Variants in TRIP12 observed in about 807,000 individuals in gnomAD.
TRIP12 encodes the protein E3 ubiquitin-protein ligase TRIP12.
TRIP12 carries 25 observed loss-of-function variants against 244.2 expected under a neutral mutation model. The ratio of observed to expected loss-of-function variants is 0.10; its 90% CI spans 0.07 to 0.14. The LOEUF is 0.14. TRIP12 is among the 10% of genes least tolerant of loss of function. The pLI, the probability that TRIP12 is intolerant of heterozygous loss-of-function variation, is 1.00. For synonymous variants in TRIP12, 905 were observed against 873.1 expected, an observed-to-expected ratio of 1.04 and a Z score of -0.64; for missense variants, 1,677 against 2,486.4, an observed-to-expected ratio of 0.67 and a Z score of 6.92.
At chr2:229,865,490 C>A (rs1248616660) in intron 2 of TRIP12, among the ~76,000 whole-genome samples, 1 of 151,676 alleles carries the variant, frequency 6.6e-6, no homozygotes, top group Non-Finnish European at 1.5e-5. Flanking sequence ...ATATGATATG[C>A]ATATATATAA....
chr2:229,841,607 T>C (rs191152064), intron 4 of TRIP12, among the ~76,000 whole-genome samples: 91 of 152,270 alleles, frequency 6.0e-4, no homozygotes, highest in Middle Eastern at 6.8e-3. Context: ...CATCCACCCT[T>C]GCCCAACCCT....
Position 229,858,971 on chromosome 2 carries a change from G to C in TRIP12, c.828C>G (p.Ser276=). ...TGGGGCTGGGACTGGACGCTGAACG[G>C]GAACGCCTGGCCTTGTTCTGATCTT... is the stretch of plus-strand genomic sequence containing the variant. ...QGKDQNKARR[S]RSASSPSPRR... is the part of the protein sequence containing the mutation. The change falls in exon 4 of 42, where the codon TCC becomes TCG. Residue 276 remains serine, a synonymous_variant. Transcript: ENST00000675903. The C allele has an allele frequency of 6.2e-7, 1 of 1,614,178 alleles. No individual in the cohort carries two copies.
chr2:229,874,371 A>G (rs557370822), intron 2 of TRIP12, among the ~76,000 whole-genome samples: 2 of 152,344 alleles, frequency 1.3e-5, no homozygotes, highest in East Asian at 1.9e-4. Flanking sequence ...CTGAAAGACA[A>G]AAGTCTTCAA....
chr2:229,913,461 T>C (rs2074725927), intron 1 of TRIP12, among the ~76,000 whole-genome samples: 1 of 152,246 alleles, frequency 6.6e-6, no homozygotes, highest in South Asian at 2.1e-4. Flanking sequence ...AAGCACTTGA[T>C]AAATATGTAT....
chr2:229,832,563 T>C (rs796700801), intron 6 of TRIP12, among the ~76,000 whole-genome samples: 2 of 152,250 alleles, frequency 1.3e-5, no homozygotes, highest in African/African-American at 4.8e-5. Flanking sequence ...GCAGCATTTA[T>C]GAAAACGCTT....
chr2:229,875,603 C>A (rs1215677473), intron 2 of TRIP12, among the ~76,000 whole-genome samples: 1 of 152,218 alleles, frequency 6.6e-6, no homozygotes, highest in Non-Finnish European at 1.5e-5. Flanking sequence ...ACTAGCTATA[C>A]AAAGTTGAGC....
At chr2:229,902,438 C>T (rs1254720373) in intron 1 of TRIP12, among the ~76,000 whole-genome samples, 1 of 152,100 alleles carries the variant, frequency 6.6e-6, no homozygotes, top group Admixed American at 6.6e-5. Context: ...AGGCAACAAA[C>T]CACAGCATTA....
intron 2 of TRIP12, among the ~76,000 whole-genome samples, chr2:229,864,047 A>AGAGAGAGAGAGAGAGAGTGAGTGTGT: frequency 1.1e-4 from 9 of 79,304 alleles, no homozygotes; most frequent in East Asian, 8.7e-4. Flanking sequence ...AGAGAGAGAG[A>AGAGAGAGAGAGAGAGAGTGAGTGTGT]GTGTGTGTGT....
At chr2:229,882,462 C>G (rs943084534) in intron 1 of TRIP12, among the ~76,000 whole-genome samples, 1 of 152,026 alleles carries the variant, frequency 6.6e-6, no homozygotes, top group African/African-American at 2.4e-5. Context: ...TCTTTGGGCA[C>G]AAAAATTGGA....
chr2:229,771,181 T>C (rs758216365), intron 39 of TRIP12, among the ~76,000 whole-genome samples: 2 of 152,232 alleles, frequency 1.3e-5, no homozygotes, highest in Non-Finnish European at 2.9e-5. Flanking sequence ...GCCCCCTCCA[T>C]GTCTCTCTTT....
At chr2:229,771,736 A>G (rs1353814613) in intron 38 of TRIP12, 104 bp from the exon 39 acceptor site, 1 of 729,896 alleles carries the variant, frequency 1.4e-6, no homozygotes, top group Non-Finnish European at 2.3e-6. Flanking sequence ...TCACTTTATA[A>G]AGAACAAACA....
chr2:229,813,429 AT>A (rs1198430764), intron 13 of TRIP12, among the ~76,000 whole-genome samples: 2 of 152,242 alleles, frequency 1.3e-5, no homozygotes, highest in Admixed American at 1.3e-4. Flanking sequence ...AAAATAAAAA[AT>A]ATCAGAACAT....
intron 13 of TRIP12, among the ~76,000 whole-genome samples, chr2:229,811,688 A>T (rs1296109703): frequency 6.6e-6 from 1 of 152,220 alleles, no homozygotes; most frequent in African/African-American, 2.4e-5. Context: ...ACTATGAAAA[A>T]GTTACACTAT....
At chr2:229,909,342 T>C (rs2154376013) in intron 1 of TRIP12, among the ~76,000 whole-genome samples, 1 of 151,990 alleles carries the variant, frequency 6.6e-6, no homozygotes, top group South Asian at 2.1e-4. Context: ...GCCTACGAGT[T>C]TGAGACCAGC....
chr2:229,873,876 A>G (rs1195123295), intron 2 of TRIP12, among the ~76,000 whole-genome samples: 3 of 152,152 alleles, frequency 2.0e-5, no homozygotes, highest in African/African-American at 7.2e-5. Context: ...GTATACAAGC[A>G]TTTCCTCTCA....
intron 34 of TRIP12, among the ~76,000 whole-genome samples, chr2:229,779,903 C>T (rs1228297120): frequency 6.6e-6 from 1 of 152,166 alleles, no homozygotes; most frequent in Non-Finnish European, 1.5e-5. Flanking sequence ...AAGGTCCCGC[C>T]AGATCAGACC....
At chr2:229,843,432 A>G (rs2056934762) in intron 4 of TRIP12, among the ~76,000 whole-genome samples, 1 of 152,240 alleles carries the variant, frequency 6.6e-6, no homozygotes. Context: ...AAACAAACAA[A>G]CAAACAAAAA....
chr2:229,900,014 CTGT>C (rs1331291395), intron 1 of TRIP12, among the ~76,000 whole-genome samples: 1 of 152,184 alleles, frequency 6.6e-6, no homozygotes, highest in Non-Finnish European at 1.5e-5. Flanking sequence ...TATGGAAGTT[CTGT>C]TGTTTGGTTT....
Position 229,797,781 on chromosome 2 carries a change from C to A in TRIP12, c.3533G>T (p.Arg1178Leu). 5 of 1,613,898 alleles carry A rather than the reference C, an allele frequency of 3.1e-6. No homozygotes were observed. The highest frequency in any genetic ancestry group is 4.2e-6 in the Non-Finnish European group (5 of 1,179,918). Residue 1178 changes from arginine (R) to leucine (L), a missense_variant, in exon 24 of 42, where the codon CGT becomes CTT. Arg to Leu is a moderately radical substitution (Grantham distance 102). Coordinates refer to ENST00000675903, the MANE Select transcript of TRIP12 (RefSeq NM_001348323.3). ...IKEQAHKFVE[R>L]YFSSENMDGS... ...ATCCATATTCTCAGAACTGAAATAA[C>A]GTTCTACAAATTTATGTGCCTGCTC...
Sources: allele counts gnomAD v4.1 joint callset (sites outside exome capture counted in the v4.1 genomes callset), GRCh38; gene constraint gnomAD v4.1.1; transcripts MANE v1.5; gene names NCBI Gene and HGNC (gene_info 2026-07-23, HGNC 2026-07-21).